SYTL5: variants seen among roughly 807,000 people sequenced by gnomAD.
SYTL5 encodes synaptotagmin like 5.
A neutral mutation model predicts 55.9 loss-of-function variants in SYTL5; 34 were observed. That is an observed-to-expected ratio of 0.61 (90% confidence interval 0.46 to 0.81). The LOEUF is 0.81. Among genes scored for constraint, SYTL5 ranks in the 30% least tolerant of loss-of-function variants. The pLI is 0.00. For synonymous variants in SYTL5, 221 were observed against 188.7 expected, an observed-to-expected ratio of 1.17 and a Z score of -1.40; for missense variants, 637 against 546.7, an observed-to-expected ratio of 1.17 and a Z score of -1.65.
chrX:37,962,344 G>A, the SYTL5 span, among the ~76,000 whole-genome samples: 446 of 110,731 alleles, frequency 4.0e-3, no homozygotes, highest in Admixed American at 6.4e-3. Flanking sequence ...TTGTCCCTGC[G>A]ATAGTTTGCT....
the SYTL5 span, among the ~76,000 whole-genome samples, chrX:37,998,496 C>T: frequency 1.3e-4 from 14 of 111,800 alleles, no homozygotes; most frequent in Admixed American, 6.6e-4. Context: ...CACAGAGAGC[C>T]GGCACCTATT....
chrX:37,891,427 A>T, the SYTL5 span, among the ~76,000 whole-genome samples: 3 of 112,024 alleles, frequency 2.7e-5, no homozygotes, highest in Non-Finnish European at 3.8e-5. Flanking sequence ...AGAATAGGCA[A>T]CTCGGTAGAG....
chrX:37,983,059 A>G, the SYTL5 span, among the ~76,000 whole-genome samples: 2 of 111,774 alleles, frequency 1.8e-5, no homozygotes, highest in Admixed American at 1.9e-4. Context: ...GAAAAAATAA[A>G]GAAAATTCTA....
intron 3 of SYTL5, among the ~76,000 whole-genome samples, chrX:38,066,003 G>A (rs112615321): frequency 0.014 from 1,525 of 110,816 alleles, 12 homozygotes; most frequent in Middle Eastern, 0.047. Context: ...GGGAGGCTGA[G>A]GCGGGAGAAT....
At chrX:37,889,050 T>C in the SYTL5 span, among the ~76,000 whole-genome samples, 2 of 112,503 alleles carry the variant, frequency 1.8e-5, no homozygotes, top group Non-Finnish European at 3.8e-5. Context: ...AGAGAAACTT[T>C]GCTGCTTCCT....
chrX:38,085,170 C>A (rs1936637253), intron 6 of SYTL5, among the ~76,000 whole-genome samples: 1 of 111,144 alleles, frequency 9.0e-6, no homozygotes, highest in Admixed American at 9.5e-5. Context: ...GCAGAGGGAG[C>A]AATGCAGGTG....
In SYTL5 at chrX:38,072,134, C is replaced by T. The variant is rs1205006632; in HGVS notation, c.417C>T (p.Val139=). 2 of 1,206,792 alleles carry T rather than the reference C, an allele frequency of 1.7e-6. No individual in the cohort carries two copies. Among genetic ancestry groups the T allele is most frequent in the East Asian group, 3.0e-5 (1 of 33,728 alleles). Residue 139 remains valine (V), a synonymous_variant, in exon 4 of 17, where the codon GTC becomes GTT. Coordinates refer to ENST00000297875, the MANE Select transcript of SYTL5 (RefSeq NM_138780.3). ...TCAATGTTCTCGGCACTGATGTTGT[C>T]CGACAGTCCATTTTAAGAAGAAGTC... ...KQVNVLGTDV[V]RQSILRRSPG...
At chrX:37,918,226 G>C in the SYTL5 span, among the ~76,000 whole-genome samples, 1 of 111,733 alleles carries the variant, frequency 8.9e-6, no homozygotes, top group African/African-American at 3.3e-5. Context: ...TGAAGGAGAT[G>C]TTAGTGGATA....
At position 38,128,399 on chromosome X, in the gene SYTL5, AG is replaced by A. The variant is rs1937719930; in HGVS notation, c.*1671del. On this transcript the variant is annotated 3_prime_UTR_variant, in exon 17 of 17. Coordinates refer to ENST00000297875, the MANE Select transcript of SYTL5 (RefSeq NM_138780.3). The stretch of plus-strand genomic sequence containing the variant: ...ACTTGAGCATGAACATACCCGACCA[AG>A]GTATGTTCTGGAGTCATATTCTAGC... 9.0e-6 allele frequency: 1 copy of A among 111,256 alleles called. No individual in the cohort carries two copies. Among genetic ancestry groups the A allele is most frequent in the Admixed American group, 9.6e-5 (1 of 10,443 alleles). The allele number at this position is 111,256 out of a possible 1,213,427, so 9.2% of individuals were successfully genotyped here. A position where few individuals can be genotyped will look rare whatever the true frequency, so the allele number is the denominator to read the frequency against.
intron 13 of SYTL5, among the ~76,000 whole-genome samples, chrX:38,116,388 G>T (rs895873877): frequency 1.8e-5 from 2 of 111,919 alleles, no homozygotes; most frequent in Non-Finnish European, 3.8e-5. Context: ...ATAAATGTAC[G>T]TTCATTTGCA....
chrX:38,101,417 A>G (rs1004609553), intron 9 of SYTL5, among the ~76,000 whole-genome samples: 7 of 111,315 alleles, frequency 6.3e-5, no homozygotes, highest in African/African-American at 2.3e-4. Context: ...ATAAAACTAT[A>G]GTTAAAAAAA....
intron 1 of SYTL5, among the ~76,000 whole-genome samples, chrX:38,032,057 C>G (rs1007176980): frequency 1.8e-5 from 2 of 112,111 alleles, no homozygotes; most frequent in African/African-American, 6.5e-5. Flanking sequence ...CGAGGAAGCT[C>G]TGGACAAGAT....
chrX:38,063,514 C>T (rs1936013243), intron 3 of SYTL5, among the ~76,000 whole-genome samples: 1 of 110,608 alleles, frequency 9.0e-6, no homozygotes, highest in African/African-American at 3.3e-5. Flanking sequence ...AAAAATAGCC[C>T]CTGTGTATTC....
At chrX:38,097,787 T>C (rs1178759761) in intron 9 of SYTL5, among the ~76,000 whole-genome samples, 1 of 108,992 alleles carries the variant, frequency 9.2e-6, no homozygotes, top group African/African-American at 3.3e-5. Flanking sequence ...CTTATACTAC[T>C]AGATTTAAAA....
At chrX:38,055,064 C>T (rs1301590944) in intron 3 of SYTL5, among the ~76,000 whole-genome samples, 1 of 111,716 alleles carries the variant, frequency 9.0e-6, no homozygotes, top group Non-Finnish European at 1.9e-5. Context: ...TGTCTCAGGG[C>T]CCCTCTTGGC....
the SYTL5 span, among the ~76,000 whole-genome samples, chrX:37,902,335 C>A: frequency 8.9e-6 from 1 of 111,842 alleles, no homozygotes; most frequent in Middle Eastern, 4.2e-3. Context: ...AATTTCCTCT[C>A]TATTGGTTTC....
At chrX:37,958,090 T>C in the SYTL5 span, among the ~76,000 whole-genome samples, 1 of 109,779 alleles carries the variant, frequency 9.1e-6, no homozygotes, top group Non-Finnish European at 1.9e-5. Context: ...GCACCTGTAA[T>C]CCCAGCTACT....
chrX:38,089,978 G>A (rs1486901200), intron 7 of SYTL5, among the ~76,000 whole-genome samples: 1 of 111,844 alleles, frequency 8.9e-6, no homozygotes, highest in African/African-American at 3.3e-5. Context: ...AGCATGGCTA[G>A]GTTTCAACTC....
the SYTL5 span, among the ~76,000 whole-genome samples, chrX:37,941,816 C>T: frequency 1.8e-5 from 2 of 112,129 alleles, no homozygotes; most frequent in Non-Finnish European, 3.8e-5. Flanking sequence ...GATTTGATCA[C>T]GTGTTCTTTT....
Sources: allele counts gnomAD v4.1 joint callset (sites outside exome capture counted in the v4.1 genomes callset), GRCh38; gene constraint gnomAD v4.1.1; transcripts MANE v1.5; gene names NCBI Gene and HGNC (gene_info 2026-07-23, HGNC 2026-07-21).